ZNF880: variants seen among roughly 807,000 people sequenced by gnomAD.
The protein encoded by ZNF880 is zinc finger protein LOC400713.
A neutral mutation model predicts 11.8 loss-of-function variants in ZNF880; 12 were observed. The observed-to-expected ratio is 1.02, with a 90% CI of 0.65 to 1.65. The LOEUF is 1.65. ZNF880 is among the 40% of genes most tolerant of loss of function. The probability of loss-of-function intolerance (pLI) is 0.00; values close to 1 mark genes in which losing one functional copy is unlikely to be tolerated. For missense variants in ZNF880, 601 were observed against 673.9 expected, an observed-to-expected ratio of 0.89 and a Z score of 1.20; for synonymous variants, 210 against 232.4, an observed-to-expected ratio of 0.90 and a Z score of 0.88.
At chr19:52,388,703 C>T (rs1986963034), downstream of ZNF880, 1 of 152,114 alleles carries the variant, frequency 6.6e-6, no homozygotes, top group Non-Finnish European at 1.5e-5. Context: ...TAAACATTTA[C>T]ATGAGGCTTT....
downstream of ZNF880, among the ~76,000 whole-genome samples, chr19:52,387,597 C>T (rs1986919847): frequency 1.4e-5 from 2 of 141,722 alleles, 1 homozygote; most frequent in Non-Finnish European, 3.1e-5. Flanking sequence ...TACAGGCGCA[C>T]GCTGCCACGC....
chr19:52,369,958 T>A lies in ZNF880; in HGVS notation c.-8T>A, dbSNP rs1046685573. ...AGACCCGGAAGCAGATTACGTGGAG[T>A]GACGGTCATGCTGCGGCGTGTGAGT... is the stretch of plus-strand genomic sequence containing the variant. On this transcript the variant is annotated 5_prime_UTR_variant, in exon 1 of 4. Coordinates refer to ENST00000422689, the MANE Select transcript of ZNF880 (RefSeq NM_001145434.2). 6.4e-7 allele frequency: 1 copy of A among 1,551,432 alleles called. No individual in the cohort carries two copies. Among genetic ancestry groups the A allele is most frequent in the East Asian group, 2.4e-5 (1 of 40,898 alleles).
At chr19:52,369,362 CA>C (rs57601492), upstream of ZNF880, among the ~76,000 whole-genome samples, 841 of 112,404 alleles carry the variant, frequency 7.5e-3, 7 homozygotes, top group African/African-American at 0.025. Context: ...ACTCTGTCTC[CA>C]AAAAAAAAAA....
rs1383227699 is a variant in ZNF880, at chr19:52,385,129, GAGA to G, written c.1552_1554del (p.Lys518del). ...ACGACATAGGCAAATTCATACTGGA[GAGA>G]AGTCTTACAAATGCAATGAATGTGG... On this transcript the variant is annotated inframe_deletion, in exon 4 of 4. Coordinates refer to ENST00000422689, the MANE Select transcript of ZNF880 (RefSeq NM_001145434.2). The G allele has an allele frequency of 6.4e-7, 1 of 1,557,620 alleles. No homozygotes were observed. Among genetic ancestry groups the G allele is most frequent in the South Asian group, 1.2e-5 (1 of 84,538 alleles).
upstream of ZNF880, among the ~76,000 whole-genome samples, chr19:52,369,734 T>C (rs1986296011): frequency 6.6e-6 from 1 of 152,104 alleles, no homozygotes. Flanking sequence ...GGAATTTTCC[T>C]GGATCTAATC....
chr19:52,391,622 ATAT>A, the ZNF880 span: 1 of 152,212 alleles, frequency 6.6e-6, no homozygotes, highest in Non-Finnish European at 1.5e-5. Context: ...AATTGATTGG[ATAT>A]TATGATTAAT....
intron 1 of ZNF880, among the ~76,000 whole-genome samples, chr19:52,372,411 A>C (rs187572307): frequency 0.026 from 3,710 of 143,468 alleles, 159 homozygotes; most frequent in African/African-American, 0.089. Context: ...CCTCAGCCTC[A>C]CGAGTAACTG....
Position 52,383,853 on chromosome 19 carries a change from C to G in ZNF880, c.273C>G (p.Ser91Arg). ...RECIKGVNAE[S>R]SSKLGSNAGN... ...ACTTTTTTCTTTCTTTTTTAGAGAG[C>G]AGCTCTAAATTGGGAAGCAATGCCG... Residue 91 changes from serine (S) to arginine (R), a missense_variant, in exon 4 of 4, where the codon AGC (serine) becomes AGG (arginine). Coordinates refer to ENST00000422689, the MANE Select transcript of ZNF880 (RefSeq NM_001145434.2). 1 of 1,532,436 alleles carries G rather than the reference C, an allele frequency of 6.5e-7. No homozygotes were observed. The highest frequency in any genetic ancestry group is 1.7e-4 in the Middle Eastern group (1 of 5,786). 94.9% of individuals were successfully genotyped at this position (1,532,436 alleles called of 1,614,324 possible).
chr19:52,386,557 C>G (rs1290248385), downstream of ZNF880, among the ~76,000 whole-genome samples: 1 of 143,298 alleles, frequency 7.0e-6, no homozygotes, highest in African/African-American at 2.7e-5. Context: ...AATCCCAGCA[C>G]TTTGGGAGGC....
At chr19:52,369,439 T>C (rs1161567516), upstream of ZNF880, among the ~76,000 whole-genome samples, 1 of 151,568 alleles carries the variant, frequency 6.6e-6, no homozygotes, top group African/African-American at 2.4e-5. Flanking sequence ...TTAATTTGCA[T>C]CCCCTTCATA....
At chr19:52,393,835 CTTTTTTT>C in the ZNF880 span, among the ~76,000 whole-genome samples, 1 of 109,140 alleles carries the variant, frequency 9.2e-6, no homozygotes, top group Non-Finnish European at 1.8e-5. Flanking sequence ...TGCCCCCCCC[CTTTTTTT>C]TTTTTTTTTT....
the ZNF880 span, among the ~76,000 whole-genome samples, chr19:52,395,926 T>C: frequency 6.6e-6 from 1 of 152,214 alleles, no homozygotes; most frequent in Non-Finnish European, 1.5e-5. Context: ...AATGCTGTCC[T>C]GCAGTCTCTC....
chr19:52,385,421 A>AGAACTTAGCATGAAG lies in ZNF880; in HGVS notation c.*107_*108insGAACTTAGCATGAAG. 1.6e-6 allele frequency: 2 copies of AGAACTTAGCATGAAG among 1,241,058 alleles called. No homozygotes were observed. Among genetic ancestry groups the AGAACTTAGCATGAAG allele is most frequent in the Non-Finnish European group, 2.2e-6 (2 of 901,576 alleles). 76.9% of individuals were successfully genotyped at this position (1,241,058 alleles called of 1,614,324 possible). A position where few individuals can be genotyped will look rare whatever the true frequency, so the allele number is the denominator to read the frequency against. ...CTGAGTATGGCAAACTCTTCATGCT[A>AGAACTTAGCATGAAG]AGTTCTAGCATTAATCAACATCAGA... On this transcript the variant is annotated 3_prime_UTR_variant, in exon 4 of 4. Transcript: ENST00000422689.
At chr19:52,394,954 A>T in the ZNF880 span, 2 of 152,406 alleles carry the variant, frequency 1.3e-5, no homozygotes, top group African/African-American at 4.8e-5. Context: ...GAACCTTGTG[A>T]TTCTATCACT....
At chr19:52,372,443 A>G (rs983641713) in intron 1 of ZNF880, among the ~76,000 whole-genome samples, 3 of 148,540 alleles carry the variant, frequency 2.0e-5, no homozygotes, top group Admixed American at 6.7e-5. Context: ...GCCCGCCACT[A>G]CGCCTGGCTA....
intron 3 of ZNF880, among the ~76,000 whole-genome samples, chr19:52,376,111 T>C (rs1253933209): frequency 1.3e-5 from 2 of 152,222 alleles, no homozygotes; most frequent in Non-Finnish European, 2.9e-5. Flanking sequence ...ATTTGTGAAT[T>C]GTGCTGCTAT....
chr19:52,391,522 AAGCT>A, the ZNF880 span: 3 of 152,140 alleles, frequency 2.0e-5, no homozygotes, highest in African/African-American at 7.2e-5. Context: ...GAGAAAAAAA[AAGCT>A]AGGAAAAGAA....
Position 52,374,360 on chromosome 19 carries a change from T to A in ZNF880, c.201T>A (p.Asn67Lys). The stretch of plus-strand genomic sequence containing the variant: ...TGGAGCAAAGGAGAGATCCCCGGAA[T>A]CTGCAGAGTGAAGTGAAAATAGCAA... ...SMLEQRRDPRNLQSEVKIANN... is the reference protein window; with the variant it reads ...SMLEQRRDPRKLQSEVKIANN... Residue 67 changes from asparagine to lysine, a missense_variant, in exon 3 of 4, where the codon AAT (asparagine) becomes AAA (lysine). Coordinates refer to ENST00000422689, the MANE Select transcript of ZNF880 (RefSeq NM_001145434.2). The A allele has an allele frequency of 3.1e-6, 5 of 1,613,700 alleles. No homozygotes were observed. Among genetic ancestry groups the A allele is most frequent in the South Asian group, 2.2e-5 (2 of 91,006 alleles).
chr19:52,383,689 T>G (rs1320277041), intron 3 of ZNF880, among the ~76,000 whole-genome samples, 160 bp from the exon 4 acceptor site: 1 of 152,228 alleles, frequency 6.6e-6, no homozygotes, highest in Non-Finnish European at 1.5e-5. Flanking sequence ...CAGTGCATCC[T>G]TCCGTCCCTT....
Sources: gnomAD v4.1 joint callset for allele counts (sites outside exome capture counted in the v4.1 genomes callset) on GRCh38, gnomAD v4.1.1 for gene constraint, MANE v1.5 for transcripts, NCBI Gene and HGNC (gene_info 2026-07-23, HGNC 2026-07-21) for gene names.